Variants in OOSP4A observed in about 807,000 individuals in gnomAD.
OOSP4A encodes oocyte secreted protein family member 4A, also known as oocyte-secreted protein 4A.
exon 3 of OOSP4A, chr11:59,967,141 C>T (rs1009311985): frequency 5.0e-6 from 2 of 398,080 alleles, no homozygotes; most frequent in Non-Finnish European, 8.9e-6. Context: ...ATTTACACAT[C>T]CCAGTATCAT....
At chr11:59,969,485 T>TA (rs1257822972) in intron 4 of OOSP4A, among the ~76,000 whole-genome samples, 1 of 152,234 alleles carries the variant, frequency 6.6e-6, no homozygotes, top group Non-Finnish European at 1.5e-5. Flanking sequence ...TTTCCTTACA[T>TA]AAAACAGATT....
chr11:59,970,000 A>G, intron 4 of OOSP4A, 49 bp from the exon 5 acceptor site: 2 of 397,492 alleles, frequency 5.0e-6, no homozygotes, highest in Non-Finnish European at 8.9e-6. Context: ...GTTAGATGGT[A>G]GTTTCCCATC....
chr11:59,964,742 A>C (rs1796353382), intron 1 of OOSP4A, among the ~76,000 whole-genome samples: 1 of 152,206 alleles, frequency 6.6e-6, no homozygotes, highest in South Asian at 2.1e-4. Flanking sequence ...GAGTAACTGC[A>C]GTATTATTTT....
chr11:59,967,080 G>A (rs1186247358), exon 3 of OOSP4A: 1 of 397,982 alleles, frequency 2.5e-6, no homozygotes, highest in Admixed American at 4.4e-5. Context: ...CATGGAGTAG[G>A]TATTCTCATT....
intron 3 of OOSP4A, 131 bp downstream of exon 3, chr11:59,967,295 G>C (rs1854110728): frequency 2.5e-6 from 1 of 392,384 alleles, no homozygotes; most frequent in Non-Finnish European, 4.5e-6. Context: ...ATGGTGTTCT[G>C]TTGGTCATGT....
rs887003045 is a variant in OOSP4A at position 59,970,032 on chromosome 11, C to T, written c.480-17C>T. 1 of 397,990 alleles carries T rather than the reference C, an allele frequency of 2.5e-6. No individual in the cohort carries two copies. The highest frequency in any genetic ancestry group is 4.4e-6 in the Non-Finnish European group (1 of 225,630). 24.7% of individuals were successfully genotyped at this position (397,990 alleles called of 1,614,324 possible). ...CATCAGTACAACAATGTAACTGTTT[C>T]TTTTCCGTCCTTACAGGAACAGTGT... On this transcript the variant is annotated splice_polypyrimidine_tract_variant and intron_variant, in intron 4 of 4. Transcript: ENST00000645590.
chr11:59,964,085 A>G (rs1446234971), exon 1 of OOSP4A: 4 of 394,890 alleles, frequency 1.0e-5, no homozygotes, highest in African/African-American at 6.3e-5. Context: ...GAGTTGATTC[A>G]TGGTCTCCAA....
chr11:59,969,600 G>GA (rs2134587632), intron 4 of OOSP4A, among the ~76,000 whole-genome samples: 1 of 152,286 alleles, frequency 6.6e-6, no homozygotes, highest in African/African-American at 2.4e-5. Flanking sequence ...TTCCCGTAAA[G>GA]ATAGTAATTG....
chr11:59,969,397 G>T, intron 4 of OOSP4A, 113 bp downstream of exon 4: 1 of 396,352 alleles, frequency 2.5e-6, no homozygotes. Flanking sequence ...TTGCCCATAT[G>T]ATTTTAGTTC....
At chr11:59,969,478 C>T (rs183651829) in intron 4 of OOSP4A, among the ~76,000 whole-genome samples, 194 bp downstream of exon 4, 343 of 152,220 alleles carry the variant, frequency 2.3e-3, no homozygotes, top group Non-Finnish European at 3.8e-3. Flanking sequence ...CTCATTATTT[C>T]CTTACATAAA....
chr11:59,969,065 A>G, intron 3 of OOSP4A, 85 bp from the exon 4 acceptor site: 1 of 396,346 alleles, frequency 2.5e-6, no homozygotes, highest in Non-Finnish European at 4.4e-6. Context: ...TGTTTAATTT[A>G]GTTTTTCTCC....
chr11:59,969,477 T>C (rs558968374), intron 4 of OOSP4A, among the ~76,000 whole-genome samples, 193 bp downstream of exon 4: 1 of 152,250 alleles, frequency 6.6e-6, no homozygotes, highest in Non-Finnish European at 1.5e-5. Context: ...TCTCATTATT[T>C]CCTTACATAA....
chr11:59,969,333 T>C (rs536753620), intron 4 of OOSP4A, 49 bp downstream of exon 4: 133 of 397,848 alleles, frequency 3.3e-4, no homozygotes, highest in South Asian at 2.9e-3. Flanking sequence ...TACATTTATA[T>C]AAAAAAGGCC....
intron 3 of OOSP4A, among the ~76,000 whole-genome samples, chr11:59,967,532 T>C (rs1396179174): frequency 6.6e-6 from 1 of 152,128 alleles, no homozygotes; most frequent in African/African-American, 2.4e-5. Flanking sequence ...CATACCACCT[T>C]TCTGCAGATG....
rs182773597 is a variant in OOSP4A at position 59,964,124 on chromosome 11, A to C, written c.67+25A>C. 495 of 352,864 alleles carry C rather than the reference A, an allele frequency of 1.4e-3. 7 individuals are homozygous for C. The East Asian group carries it at 0.017, about 12-fold the overall frequency. The allele number at this position is 352,864 out of a possible 1,614,324, so 21.9% of individuals were successfully genotyped here. On this transcript the variant is annotated intron_variant, in intron 1 of 4. Coordinates refer to ENST00000645590, the Ensembl canonical transcript of OOSP4A. Reference sequence around the variant, plus strand: ...TGTAAGAAAAAGAGGGAATTTTTGGAGGTGGCAATTTCAATCAGCAGGGCT... The same window carrying C: ...TGTAAGAAAAAGAGGGAATTTTTGGCGGTGGCAATTTCAATCAGCAGGGCT...
exon 4 of OOSP4A, chr11:59,969,233 C>T: frequency 2.5e-6 from 1 of 398,798 alleles, no homozygotes. Context: ...CAGCACCGCT[C>T]ACTATCACAT....
At chr11:59,970,214 A>G (rs1590565852), downstream of OOSP4A, 3 of 395,852 alleles carry the variant, frequency 7.6e-6, no homozygotes, top group East Asian at 1.1e-4. Context: ...ATTGTCTTTT[A>G]TCATTTCAAA....
chr11:59,970,251 GCT>G (rs1854141123), downstream of OOSP4A: 1 of 391,984 alleles, frequency 2.6e-6, no homozygotes, highest in African/African-American at 2.1e-5. Context: ...GAAAAAACCT[GCT>G]CTGTTGTCCA....
intron 2 of OOSP4A, among the ~76,000 whole-genome samples, chr11:59,966,817 A>G (rs905032512): frequency 6.6e-6 from 1 of 152,116 alleles, no homozygotes; most frequent in Non-Finnish European, 1.5e-5. Context: ...AAAGTTGTCT[A>G]TGCAGACTCA....
Sources: allele counts gnomAD v4.1 joint callset (sites outside exome capture counted in the v4.1 genomes callset), GRCh38; gene constraint gnomAD v4.1.1; transcripts MANE v1.5; gene names NCBI Gene and HGNC (gene_info 2026-07-23, HGNC 2026-07-21).